Variants in VPS13B observed in about 807,000 individuals in gnomAD.
VPS13B encodes the protein intermembrane lipid transfer protein VPS13B.
Under a neutral mutation model 426.4 loss-of-function variants are expected in VPS13B, and 285 were observed. That is an observed-to-expected ratio of 0.67 (90% CI 0.61 to 0.74). VPS13B has a LOEUF of 0.74. VPS13B is among the 30% of genes least tolerant of loss of function. VPS13B has a pLI of 0.00. For synonymous variants in VPS13B, 1,676 were observed against 1,676.4 expected, an observed-to-expected ratio of 1.00 and a Z score of 0.01; for missense variants, 4,537 against 4,782.6, an observed-to-expected ratio of 0.95 and a Z score of 1.51.
chr8:99,727,943 A>G (rs903083539), intron 39 of VPS13B, among the ~76,000 whole-genome samples: 7 of 152,310 alleles, frequency 4.6e-5, no homozygotes, highest in South Asian at 2.1e-4. Context: ...GCAGCTGTCA[A>G]ATCTCTATGT....
chr8:99,123,141 A>G lies in VPS13B; in HGVS notation c.1206+1696A>G, dbSNP rs937024888. ...TGTCTCCAAAAAAAAAAAAAAAAAAAAAAAGAAAGAAAGAAAAATCAAGTG... is the reference window on the plus strand; with the variant it reads ...TGTCTCCAAAAAAAAAAAAAAAAAAGAAAAGAAAGAAAGAAAAATCAAGTG... On this transcript the variant is annotated intron_variant, in intron 8 of 61. Coordinates refer to ENST00000357162, the MANE Select transcript of VPS13B (RefSeq NM_152564.5). 7.0e-4 allele frequency among the ~76,000 whole-genome samples: 106 copies of G among 151,352 alleles called. 2 individuals are homozygous for G. The highest frequency in any genetic ancestry group is 9.6e-4 in the Non-Finnish European group (65 of 67,722).
At chr8:99,179,089 T>A (rs1812800042) in intron 16 of VPS13B, among the ~76,000 whole-genome samples, 1 of 152,176 alleles carries the variant, frequency 6.6e-6, no homozygotes, top group South Asian at 2.1e-4. Flanking sequence ...TTGTTCAGAT[T>A]TCAACTGACT....
chr8:99,561,198 C>T (rs917787479), intron 31 of VPS13B, among the ~76,000 whole-genome samples: 5 of 152,212 alleles, frequency 3.3e-5, no homozygotes, highest in African/African-American at 1.2e-4. Context: ...CTTTCTCCCT[C>T]TTTCCAGTTC....
At chr8:99,468,445 T>C (rs896490071) in intron 24 of VPS13B, among the ~76,000 whole-genome samples, 2 of 151,948 alleles carry the variant, frequency 1.3e-5, no homozygotes, top group East Asian at 1.9e-4. Flanking sequence ...AAAAATATTA[T>C]TTTTAAAAAG....
chr8:99,761,414 A>T (rs1012892967), intron 39 of VPS13B, among the ~76,000 whole-genome samples: 7 of 152,176 alleles, frequency 4.6e-5, no homozygotes. Flanking sequence ...GGTGCAGTCC[A>T]CATTCATTGC....
At chr8:99,398,806 G>A (rs906170726) in intron 21 of VPS13B, among the ~76,000 whole-genome samples, 2 of 143,474 alleles carry the variant, frequency 1.4e-5, no homozygotes, top group Admixed American at 1.5e-4. Flanking sequence ...TATTTAGGTG[G>A]GACAAGTATT....
chr8:99,274,403 C>A, intron 18 of VPS13B, 71 bp downstream of exon 18: 2 of 1,605,336 alleles, frequency 1.2e-6, no homozygotes, highest in Middle Eastern at 1.7e-4. Flanking sequence ...TTACAAGGAG[C>A]GTTACTGAAA....
At chr8:99,113,454 AC>A (rs1847479827) in intron 6 of VPS13B, among the ~76,000 whole-genome samples, 1 of 152,074 alleles carries the variant, frequency 6.6e-6, no homozygotes, top group Non-Finnish European at 1.5e-5. Context: ...TTTGGGTTAG[AC>A]CCATCATTCT....
intron 39 of VPS13B, among the ~76,000 whole-genome samples, chr8:99,743,046 G>T (rs1240567234): frequency 6.6e-6 from 1 of 152,182 alleles, no homozygotes; most frequent in Admixed American, 6.5e-5. Flanking sequence ...GTCCCTGTTT[G>T]CAGGCGACAT....
At chr8:99,274,373 A>G in intron 18 of VPS13B, 41 bp downstream of exon 18, 1 of 1,613,912 alleles carries the variant, frequency 6.2e-7, no homozygotes, top group South Asian at 1.1e-5. Context: ...TTGCCTGTAT[A>G]GGAGAATTGG....
chr8:99,096,441 T>A lies in VPS13B; in HGVS notation c.412+9T>A, dbSNP rs770293413. ...TCCTGACTTACCACCAGGTAACTTC[T>A]AATGGGATCAATAAAACCAAATTTC... On this transcript the variant is annotated intron_variant, in intron 4 of 61. Coordinates refer to ENST00000357162, the MANE Select transcript of VPS13B (RefSeq NM_152564.5). 6.2e-7 allele frequency: 1 copy of A among 1,613,874 alleles called. No individual in the cohort carries two copies. Among genetic ancestry groups the A allele is most frequent in the South Asian group, 1.1e-5 (1 of 91,076 alleles).
intron 30 of VPS13B, among the ~76,000 whole-genome samples, chr8:99,529,833 T>G (rs1822836551): frequency 6.6e-6 from 1 of 152,218 alleles, no homozygotes; most frequent in Non-Finnish European, 1.5e-5. Context: ...TGTTCAGTTT[T>G]TAACATGACA....
At chr8:99,340,829 C>T (rs998105982) in intron 19 of VPS13B, 2 of 324,982 alleles carry the variant, frequency 6.2e-6, no homozygotes, top group African/African-American at 4.5e-5. Context: ...GCCTCAGAGC[C>T]TGCAATGCTT....
At position 99,501,974 on chromosome 8, in the gene VPS13B, T is replaced by C. The variant is rs561822822; in HGVS notation, c.4042+116T>C. The C allele has an allele frequency of 3.3e-6, 4 of 1,210,222 alleles. No individual in the cohort carries two copies. The Admixed American group carries it at 6.1e-5, about 18-fold the overall frequency. The allele number at this position is 1,210,222 out of a possible 1,614,324, so 75.0% of individuals were successfully genotyped here. A position where few individuals can be genotyped will look rare whatever the true frequency, so the allele number is the denominator to read the frequency against. On this transcript the variant is annotated intron_variant, in intron 26 of 61. Coordinates refer to ENST00000357162, the MANE Select transcript of VPS13B (RefSeq NM_152564.5). ...CTGTCTGTCTGTCTGTCTGTCTGTC[T>C]TTCCGTCTGTCTGTCTGTCTTTCCT...
chr8:99,421,999 T>C (rs1051768235), intron 21 of VPS13B, among the ~76,000 whole-genome samples: 2 of 152,130 alleles, frequency 1.3e-5, no homozygotes, highest in African/African-American at 4.8e-5. Flanking sequence ...TTAATAAATT[T>C]GTAAAGCACT....
At chr8:99,568,960 C>T (rs527547905) in intron 31 of VPS13B, among the ~76,000 whole-genome samples, 15 of 151,804 alleles carry the variant, frequency 9.9e-5, no homozygotes, top group Middle Eastern at 3.4e-3. Context: ...TACAGGCGCC[C>T]GCCACCACGC....
chr8:99,456,307 T>C (rs756318626), intron 23 of VPS13B, among the ~76,000 whole-genome samples: 18 of 152,046 alleles, frequency 1.2e-4, no homozygotes, highest in Non-Finnish European at 2.4e-4. Context: ...TAGCTGGGAT[T>C]ACAGGCGTGC....
At chr8:99,784,536 C>T (rs1409432585) in intron 43 of VPS13B, 60 bp downstream of exon 43, 11 of 1,599,642 alleles carry the variant, frequency 6.9e-6, no homozygotes, top group Non-Finnish European at 9.4e-6. Context: ...ATTTCTTCTG[C>T]ACTTGTGTGC....
At chr8:99,019,732 T>G (rs759523223) in intron 2 of VPS13B, among the ~76,000 whole-genome samples, 7 of 152,244 alleles carry the variant, frequency 4.6e-5, no homozygotes, top group African/African-American at 7.2e-5. Context: ...AGTGGAATCA[T>G]TCAGTGTTTG....
Sources: allele counts gnomAD v4.1 joint callset (sites outside exome capture counted in the v4.1 genomes callset), GRCh38; gene constraint gnomAD v4.1.1; transcripts MANE v1.5; gene names NCBI Gene and HGNC (gene_info 2026-07-23, HGNC 2026-07-21).